Variants in PLCH1 observed in about 807,000 individuals in gnomAD.
The protein encoded by PLCH1 is 1-phosphatidylinositol 4,5-bisphosphate phosphodiesterase eta-1.
A neutral mutation model predicts 126.7 loss-of-function variants in PLCH1; 60 were observed. The ratio of observed to expected loss-of-function variants is 0.47; its 90% CI spans 0.38 to 0.59. The LOEUF is 0.59. PLCH1 is among the 20% of genes least tolerant of loss of function. The probability of loss-of-function intolerance (pLI) is 0.00; values close to 1 mark genes in which losing one functional copy is unlikely to be tolerated. For synonymous variants in PLCH1, 719 were observed against 734.9 expected (o/e 0.98, Z 0.35); for missense variants, 1,723 against 2,040.0 (o/e 0.84, Z 2.99).
intron 14 of PLCH1, among the ~76,000 whole-genome samples, chr3:155,500,385 G>A (rs1717716298): frequency 1.3e-5 from 2 of 152,116 alleles, no homozygotes; most frequent in Admixed American, 1.3e-4. Flanking sequence ...CCTAACATGG[G>A]CTTAGCATCC....
At chr3:155,586,229 A>G in intron 4 of PLCH1, 35 bp from the exon 5 acceptor site, 2 of 1,605,106 alleles carry the variant, frequency 1.2e-6, no homozygotes, top group South Asian at 2.2e-5. Context: ...CTGTGCTCTC[A>G]TCAAAATTAA....
chr3:155,575,347 A>G lies in PLCH1; in HGVS notation c.772-7023T>C, dbSNP rs550237776. Among the ~76,000 whole-genome samples the G allele has an allele frequency of 3.5e-4, 53 of 152,304 alleles. 1 individual carries two copies. The South Asian group carries it at 4.4e-3, about 13-fold the overall frequency. On this transcript the variant is annotated intron_variant, in intron 6 of 22. Coordinates refer to ENST00000460012, the MANE Select transcript of PLCH1 (RefSeq NM_014996.4). ...CTCTTACCAAACCATTCTGGATTCA[A>G]TGAAGGGTAAGGAAGGGAGAGGGCA...
rs562857541 is a variant in PLCH1, at chr3:155,602,099, A to T, written c.80-5721T>A. On this transcript the variant is annotated intron_variant, in intron 2 of 22. Transcript: ENST00000460012. ...TCGGGTAAAAATTACCCTGAATAGG[A>T]GACAGGTTGAGTAAAATAAACAATG... 4.6e-5 allele frequency among the ~76,000 whole-genome samples: 7 copies of T among 152,286 alleles called. No homozygotes were observed. The East Asian group carries it at 1.4e-3, about 29-fold the overall frequency.
At chr3:155,740,030 A>C (rs1749502298) in intron 1 of PLCH1, among the ~76,000 whole-genome samples, 1 of 152,196 alleles carries the variant, frequency 6.6e-6, no homozygotes, top group Non-Finnish European at 1.5e-5. Flanking sequence ...ACCAAATGAA[A>C]AACAGCTTTT....
chr3:155,653,104 C>T (rs1430018599), intron 2 of PLCH1, among the ~76,000 whole-genome samples: 2 of 150,846 alleles, frequency 1.3e-5, no homozygotes, highest in African/African-American at 2.4e-5. Context: ...GATACAGATA[C>T]AGATATAGAT....
chr3:155,661,618 T>C (rs572069101), intron 2 of PLCH1, among the ~76,000 whole-genome samples: 23 of 152,198 alleles, frequency 1.5e-4, no homozygotes, highest in African/African-American at 5.3e-4. Flanking sequence ...AGCTATAAAA[T>C]AAACACATCT....
chr3:155,664,481 G>T (rs980196272), intron 2 of PLCH1, among the ~76,000 whole-genome samples: 2 of 152,214 alleles, frequency 1.3e-5, no homozygotes, highest in African/African-American at 4.8e-5. Context: ...GTTTTAGGCT[G>T]TGTGGTCCAT....
At chr3:155,610,816 C>A (rs1227169198) in intron 2 of PLCH1, among the ~76,000 whole-genome samples, 12 of 151,712 alleles carry the variant, frequency 7.9e-5, no homozygotes, top group African/African-American at 2.9e-4. Flanking sequence ...AAAAAAAACA[C>A]AAGGAATTCA....
chr3:155,554,921 G>A (rs577426738), intron 8 of PLCH1, among the ~76,000 whole-genome samples: 15 of 152,198 alleles, frequency 9.9e-5, no homozygotes, highest in African/African-American at 3.6e-4. Flanking sequence ...TATTAATATT[G>A]CTCTCTACCC....
intron 2 of PLCH1, among the ~76,000 whole-genome samples, chr3:155,627,908 C>G (rs1030628516): frequency 1.3e-5 from 2 of 151,684 alleles, no homozygotes; most frequent in African/African-American, 4.8e-5. Flanking sequence ...GCTGGGATTA[C>G]AGGCACCCAC....
At chr3:155,663,881 C>T (rs1742448546) in intron 2 of PLCH1, among the ~76,000 whole-genome samples, 1 of 152,066 alleles carries the variant, frequency 6.6e-6, no homozygotes, top group South Asian at 2.1e-4. Context: ...ATTGTTTAGG[C>T]TATTATGTCT....
At position 155,550,972 on chromosome 3, in the gene PLCH1, G is replaced by A. The variant is rs116440684; in HGVS notation, c.1191-1014C>T. 5.7e-3 allele frequency among the ~76,000 whole-genome samples: 864 copies of A among 152,232 alleles called. 11 individuals carry two copies. The highest frequency in any genetic ancestry group is 0.02 in the African/African-American group (836 of 41,550). On this transcript the variant is annotated intron_variant, in intron 9 of 22. Transcript: ENST00000460012. ...CTTACAGATGAGCCTTTGTGGCTGAGGTAGGTTTCCTTACTCGACTACAAT... is the reference window on the plus strand; with the variant it reads ...CTTACAGATGAGCCTTTGTGGCTGAAGTAGGTTTCCTTACTCGACTACAAT...
chr3:155,711,795 C>G (rs572404537), intron 1 of PLCH1, among the ~76,000 whole-genome samples: 1 of 152,276 alleles, frequency 6.6e-6, no homozygotes, highest in South Asian at 2.1e-4. Context: ...GAGTAAGGCA[C>G]AGATTTCTGT....
intron 1 of PLCH1, among the ~76,000 whole-genome samples, chr3:155,708,250 G>A (rs1746833376): frequency 6.6e-6 from 1 of 152,200 alleles, no homozygotes; most frequent in African/African-American, 2.4e-5. Context: ...TTCAGATTTA[G>A]AGATAATGGA....
chr3:155,657,055 T>TAAA (rs1167390418), intron 2 of PLCH1, among the ~76,000 whole-genome samples: 2 of 127,530 alleles, frequency 1.6e-5, no homozygotes, highest in African/African-American at 5.6e-5. Context: ...AGGACAAGTT[T>TAAA]AAAAAAAAAA....
chr3:155,497,871 C>A (rs760925931), intron 14 of PLCH1, among the ~76,000 whole-genome samples: 1 of 152,100 alleles, frequency 6.6e-6, no homozygotes, highest in Admixed American at 6.5e-5. Flanking sequence ...CACACCACCA[C>A]GCCAGCTAAT....
At chr3:155,500,174 GCAAA>G (rs1341622686) in intron 14 of PLCH1, among the ~76,000 whole-genome samples, 4 of 152,186 alleles carry the variant, frequency 2.6e-5, no homozygotes, top group East Asian at 1.9e-4. Flanking sequence ...TGGCAATAAA[GCAAA>G]CAAACAAACA....
At chr3:155,487,972 G>T in intron 21 of PLCH1, 56 bp downstream of exon 21, 3 of 1,043,036 alleles carry the variant, frequency 2.9e-6, no homozygotes, top group Non-Finnish European at 4.5e-6. Flanking sequence ...TTAATCAGTA[G>T]CATTGTTAAG....
At chr3:155,666,929 T>C (rs1021106881) in intron 2 of PLCH1, among the ~76,000 whole-genome samples, 16 of 145,310 alleles carry the variant, frequency 1.1e-4, no homozygotes, top group Non-Finnish European at 2.0e-4. Flanking sequence ...TGTGTGTGTG[T>C]GCATGTGTGT....
Sources: allele counts gnomAD v4.1 joint callset (sites outside exome capture counted in the v4.1 genomes callset), GRCh38; gene constraint gnomAD v4.1.1; transcripts MANE v1.5; gene names NCBI Gene and HGNC (gene_info 2026-07-23, HGNC 2026-07-21).